Variants in SLC4A4 observed in about 807,000 individuals in gnomAD.
The protein encoded by SLC4A4 is electrogenic sodium bicarbonate cotransporter 1.
A neutral mutation model predicts 111.5 loss-of-function variants in SLC4A4; 27 were observed. The ratio of observed to expected loss-of-function variants is 0.24; its 90% confidence interval spans 0.18 to 0.33. The LOEUF (loss-of-function observed/expected upper bound fraction) is 0.33. Among genes scored for constraint, SLC4A4 ranks in the 10% least tolerant of loss-of-function variants. The pLI, the probability that SLC4A4 is intolerant of heterozygous loss-of-function variation, is 1.00. For synonymous variants in SLC4A4, 443 were observed against 463.4 expected, an observed-to-expected ratio of 0.96 and a Z score of 0.57; for missense variants, 909 against 1,315.5, an observed-to-expected ratio of 0.69 and a Z score of 4.78.
chr4:71,075,107 C>T (rs1023342493), intron 1 of SLC4A4, among the ~76,000 whole-genome samples: 2 of 152,200 alleles, frequency 1.3e-5, no homozygotes, highest in African/African-American at 4.8e-5. Flanking sequence ...TTTAGACTAG[C>T]ATTCTTATTG....
At chr4:71,176,610 G>A (rs1436398581) in intron 2 of SLC4A4, among the ~76,000 whole-genome samples, 7 of 152,112 alleles carry the variant, frequency 4.6e-5, no homozygotes, top group East Asian at 3.9e-4. Flanking sequence ...GAAATGAAGC[G>A]AGAAGAGAAG....
intron 6 of SLC4A4, among the ~76,000 whole-genome samples, chr4:71,357,636 T>A (rs1177118536): frequency 6.6e-6 from 1 of 152,202 alleles, no homozygotes; most frequent in Non-Finnish European, 1.5e-5. Flanking sequence ...TGAAATGGTG[T>A]CCAGTCTATA....
chr4:71,455,331 T>C (rs1363957145), intron 12 of SLC4A4, among the ~76,000 whole-genome samples: 8 of 152,334 alleles, frequency 5.3e-5, no homozygotes, highest in African/African-American at 1.4e-4. Flanking sequence ...AGACAGAGCA[T>C]GTTTTTCTCC....
chr4:71,356,468 T>TTA (rs1730292168), intron 5 of SLC4A4, among the ~76,000 whole-genome samples: 1 of 152,210 alleles, frequency 6.6e-6, no homozygotes, highest in South Asian at 2.1e-4. Flanking sequence ...ATTTTGTAGT[T>TTA]TAATCTTTCT....
chr4:71,112,057 A>G (rs182715932), intron 2 of SLC4A4, among the ~76,000 whole-genome samples: 63 of 152,322 alleles, frequency 4.1e-4, no homozygotes, highest in African/African-American at 1.4e-3. Context: ...GTTGAGAGAC[A>G]TCCTGTGCTA....
intron 2 of SLC4A4, among the ~76,000 whole-genome samples, chr4:71,238,165 G>T (rs1286274552): frequency 6.6e-6 from 1 of 152,108 alleles, no homozygotes; most frequent in Non-Finnish European, 1.5e-5. Context: ...AAAAAGCTTG[G>T]GAGTGACATA....
intron 2 of SLC4A4, among the ~76,000 whole-genome samples, chr4:71,114,038 G>A (rs2148952997): frequency 6.6e-6 from 1 of 152,282 alleles, no homozygotes; most frequent in Non-Finnish European, 1.5e-5. Context: ...ACGAGGTCAG[G>A]AGATTGAGAC....
chr4:71,337,142 A>C (rs971908252), intron 3 of SLC4A4, among the ~76,000 whole-genome samples: 1 of 152,212 alleles, frequency 6.6e-6, no homozygotes, highest in East Asian at 1.9e-4. Flanking sequence ...TGATTTATGG[A>C]CTGAAGAGCT....
chr4:71,117,958 C>T (rs1398262557), intron 2 of SLC4A4, among the ~76,000 whole-genome samples: 1 of 151,206 alleles, frequency 6.6e-6, no homozygotes, highest in Admixed American at 6.6e-5. Flanking sequence ...CTCACTGTAA[C>T]CTCCACCTCT....
intron 1 of SLC4A4, among the ~76,000 whole-genome samples, chr4:71,230,341 C>T (rs1719334387): frequency 2.0e-5 from 3 of 152,194 alleles, no homozygotes; most frequent in Admixed American, 2.0e-4. Context: ...CTTGTATACA[C>T]TTAGTTTTCA....
chr4:71,374,579 A>T (rs1732176461), intron 6 of SLC4A4, among the ~76,000 whole-genome samples: 1 of 152,198 alleles, frequency 6.6e-6, no homozygotes, highest in South Asian at 2.1e-4. Flanking sequence ...AACATATCAT[A>T]AATTATTTCC....
chr4:71,468,995 G>T (rs1577978295), intron 13 of SLC4A4, among the ~76,000 whole-genome samples: 1 of 152,046 alleles, frequency 6.6e-6, no homozygotes, highest in East Asian at 1.9e-4. Flanking sequence ...TTTGATATTT[G>T]CCCTGTAAAC....
At chr4:71,229,833 T>TC (rs1232162380) in intron 1 of SLC4A4, among the ~76,000 whole-genome samples, 10 of 150,448 alleles carry the variant, frequency 6.6e-5, no homozygotes, top group East Asian at 1.9e-4. Context: ...TTTTTTTTTT[T>TC]CCCAGCCCCT....
chr4:71,144,232 T>G (rs575135587), intron 2 of SLC4A4, among the ~76,000 whole-genome samples: 2,352 of 152,224 alleles, frequency 0.015, 58 homozygotes, highest in African/African-American at 0.054. Context: ...GTTTTTGTCA[T>G]GTTTGTCAAA....
chr4:71,329,701 T>G (rs1727810031), intron 3 of SLC4A4, among the ~76,000 whole-genome samples: 1 of 152,162 alleles, frequency 6.6e-6, no homozygotes, highest in African/African-American at 2.4e-5. Context: ...TTATTAGTTC[T>G]AATAGCTTTT....
intron 23 of SLC4A4, among the ~76,000 whole-genome samples, chr4:71,560,742 G>C (rs906246735): frequency 6.6e-6 from 1 of 151,682 alleles, no homozygotes; most frequent in African/African-American, 2.4e-5. Context: ...ATTAATATTA[G>C]CATTATATTT....
intron 23 of SLC4A4, among the ~76,000 whole-genome samples, chr4:71,561,553 A>C (rs1736979058): frequency 6.6e-6 from 1 of 151,796 alleles, no homozygotes; most frequent in Non-Finnish European, 1.5e-5. Context: ...ACATAAATTG[A>C]TTCAATAAGA....
In SLC4A4 at chr4:71,396,599, A is replaced by G. The variant is rs142487890; in HGVS notation, c.731-978A>G. The stretch of plus-strand genomic sequence containing the variant: ...ATGAATGCATTACTCAGCACCCTGC[A>G]GCAGTTGGGTCAAACATCTTGGCTT... On this transcript the variant is annotated intron_variant, in intron 6 of 25. Transcript: ENST00000264485. 5.3e-5 allele frequency among the ~76,000 whole-genome samples: 8 copies of G among 152,328 alleles called. No individual in the cohort carries two copies. In the East Asian group the frequency reaches 1.4e-3, roughly 26 times the overall value.
intron 6 of SLC4A4, among the ~76,000 whole-genome samples, chr4:71,391,954 G>T (rs1432389226): frequency 6.6e-6 from 1 of 152,026 alleles, no homozygotes; most frequent in Non-Finnish European, 1.5e-5. Flanking sequence ...GCTCAGGATT[G>T]CAGTATAATG....
Sources: gnomAD v4.1 joint callset for allele counts (sites outside exome capture counted in the v4.1 genomes callset) on GRCh38, gnomAD v4.1.1 for gene constraint, MANE v1.5 for transcripts, NCBI Gene and HGNC (gene_info 2026-07-23, HGNC 2026-07-21) for gene names.